ERGIC1: variants seen among roughly 807,000 people sequenced by gnomAD.
ERGIC1 encodes the protein endoplasmic reticulum-golgi intermediate compartment 1.
In ERGIC1, 19 loss-of-function variants were observed where a neutral mutation model predicts 38.3. That is an observed-to-expected ratio of 0.50 (90% CI 0.35 to 0.73). ERGIC1 has a LOEUF of 0.73. Ranked by LOEUF, ERGIC1 falls within the 30% of genes least tolerant of loss-of-function variation. The pLI, the probability that ERGIC1 is intolerant of heterozygous loss-of-function variation, is 0.01. For missense variants in ERGIC1, 294 were observed against 389.2 expected, an observed-to-expected ratio of 0.76 and a Z score of 2.06; for synonymous variants, 124 against 157.6, an observed-to-expected ratio of 0.79 and a Z score of 1.60.
chr5:172,850,798 T>G (rs1761383787), intron 1 of ERGIC1, among the ~76,000 whole-genome samples: 1 of 152,204 alleles, frequency 6.6e-6, no homozygotes, highest in Non-Finnish European at 1.5e-5. Context: ...TGCAAACTGG[T>G]GGCATCAGAG....
At chr5:172,863,286 T>C (rs1761766151) in intron 1 of ERGIC1, among the ~76,000 whole-genome samples, 1 of 152,182 alleles carries the variant, frequency 6.6e-6, no homozygotes, top group Admixed American at 6.5e-5. Context: ...GATTATTAAG[T>C]GTAAAAAGAC....
chr5:172,843,193 A>G (rs537374539), intron 1 of ERGIC1, among the ~76,000 whole-genome samples: 13 of 152,354 alleles, frequency 8.5e-5, no homozygotes, highest in Middle Eastern at 3.4e-3. Context: ...CACTGAGTTT[A>G]AGGAGTTGCT....
intron 1 of ERGIC1, among the ~76,000 whole-genome samples, chr5:172,850,226 A>G (rs1197304024): frequency 2.6e-5 from 4 of 152,226 alleles, no homozygotes; most frequent in Non-Finnish European, 5.9e-5. Flanking sequence ...ACTTGAAGCC[A>G]GGTGATTGGT....
At chr5:172,885,800 C>T (rs535169833) in intron 1 of ERGIC1, among the ~76,000 whole-genome samples, 1 of 152,324 alleles carries the variant, frequency 6.6e-6, no homozygotes, top group East Asian at 1.9e-4. Context: ...ACCACATCCT[C>T]TTCCAGCTCC....
At chr5:172,838,581 C>A (rs1184576236) in intron 1 of ERGIC1, among the ~76,000 whole-genome samples, 1 of 152,146 alleles carries the variant, frequency 6.6e-6, no homozygotes, top group Non-Finnish European at 1.5e-5. Context: ...CTCTAAGGAT[C>A]CAGTGTGAAT....
intron 8 of ERGIC1, chr5:172,933,340 C>T (rs1410009830): frequency 2.0e-5 from 3 of 152,208 alleles, no homozygotes; most frequent in African/African-American, 7.2e-5. Flanking sequence ...TGAGTACTTC[C>T]TGGGGGCTAG....
intron 3 of ERGIC1, chr5:172,906,198 C>T (rs1425281852): frequency 8.8e-6 from 4 of 456,070 alleles, no homozygotes; most frequent in Non-Finnish European, 4.4e-6. Flanking sequence ...TCTCCCCTCT[C>T]CCATCCTAAG....
intron 1 of ERGIC1, among the ~76,000 whole-genome samples, chr5:172,886,490 C>G (rs528642083): frequency 1.3e-5 from 2 of 152,322 alleles, no homozygotes; most frequent in East Asian, 3.9e-4. Flanking sequence ...TTCTTTGCCT[C>G]TACCGCTAAA....
At chr5:172,856,616 C>T (rs116066317) in intron 1 of ERGIC1, among the ~76,000 whole-genome samples, 35 of 152,190 alleles carry the variant, frequency 2.3e-4, no homozygotes, top group Non-Finnish European at 4.9e-4. Context: ...CTTGAGCATG[C>T]GTGTTGCTCA....
Position 172,932,553 on chromosome 5 carries a change from T to G in ERGIC1, c.642+17T>G, listed in dbSNP as rs201473077. On this transcript the variant is annotated intron_variant, in intron 8 of 9. Coordinates refer to ENST00000393784, the MANE Select transcript of ERGIC1 (RefSeq NM_001031711.3). ...GCCAACAAGGTGCGCGGGCGGTGGC[T>G]GGGCCGAGCTGTGTGCGGCGGCGCC... 117 of 1,612,034 alleles carry G rather than the reference T, an allele frequency of 7.3e-5. No homozygotes were observed. The East Asian group carries it at 2.5e-3, about 35-fold the overall frequency.
At chr5:172,947,912 G>GTGTGT (rs1287144217) in intron 9 of ERGIC1, among the ~76,000 whole-genome samples, 2 of 144,552 alleles carry the variant, frequency 1.4e-5, no homozygotes, top group South Asian at 2.2e-4. Flanking sequence ...GTGTGTGTGT[G>GTGTGT]GTTATTTTTT....
At chr5:172,841,423 G>C (rs139090239) in intron 1 of ERGIC1, among the ~76,000 whole-genome samples, 1 of 152,216 alleles carries the variant, frequency 6.6e-6, no homozygotes. Flanking sequence ...CTCTGACAGC[G>C]TAATCCTCAT....
chr5:172,899,468 C>T (rs1490599999), intron 3 of ERGIC1, among the ~76,000 whole-genome samples: 1 of 152,010 alleles, frequency 6.6e-6, no homozygotes, highest in African/African-American at 2.4e-5. Context: ...AGGCAAGCAC[C>T]ACCATGTCCA....
intron 1 of ERGIC1, among the ~76,000 whole-genome samples, chr5:172,847,866 A>T (rs143251014): frequency 5.7e-4 from 87 of 152,366 alleles, no homozygotes; most frequent in African/African-American, 1.9e-3. Context: ...TTTTGAACTT[A>T]ACACTTTTAC....
chr5:172,909,758 G>C lies in ERGIC1; in HGVS notation c.247G>C (p.Glu83Gln). Residue 83 changes from glutamate (E) to glutamine (Q), a missense_variant, in exon 4 of 10, where the codon GAG becomes CAG. Physicochemically the swap from Glu to Gln is conservative, Grantham distance 29 (BLOSUM62 2). This residue lies in a region of ERGIC1 where 163 missense variants were observed against 225.8 expected (regional missense o/e 0.72). Transcript: ENST00000393784. ...LNISLPNLHC[E>Q]LVGLDIQDEM... The stretch of plus-strand genomic sequence containing the variant: ...CATCAGTTTACCCAATCTGCACTGC[G>C]AGTGTGAGTACTCCACGCAGCCCCT... 1 of 1,613,950 alleles carries C rather than the reference G, an allele frequency of 6.2e-7. No individual in the cohort carries two copies. The highest frequency in any genetic ancestry group is 8.5e-7 in the Non-Finnish European group (1 of 1,179,806).
At chr5:172,844,910 C>T (rs1458668237) in intron 1 of ERGIC1, among the ~76,000 whole-genome samples, 1 of 152,216 alleles carries the variant, frequency 6.6e-6, no homozygotes, top group Admixed American at 6.5e-5. Flanking sequence ...GCTGTGACAA[C>T]AGTAGTGCCC....
chr5:172,864,324 A>G (rs1375441995), intron 1 of ERGIC1, among the ~76,000 whole-genome samples: 2 of 128,904 alleles, frequency 1.6e-5, no homozygotes, highest in East Asian at 4.6e-4. Flanking sequence ...CCAGAGTGCA[A>G]TGGCATGATC....
At chr5:172,847,877 T>C (rs1175198468) in intron 1 of ERGIC1, among the ~76,000 whole-genome samples, 2 of 152,268 alleles carry the variant, frequency 1.3e-5, no homozygotes, top group East Asian at 3.8e-4. Context: ...ACACTTTTAC[T>C]GATGAAAGGT....
intron 1 of ERGIC1, among the ~76,000 whole-genome samples, chr5:172,875,136 C>T (rs894061235): frequency 6.6e-6 from 1 of 152,164 alleles, no homozygotes; most frequent in Non-Finnish European, 1.5e-5. Context: ...TTTTCTTTTA[C>T]ATGCTATCTA....
Sources: gnomAD v4.1 joint callset for allele counts (sites outside exome capture counted in the v4.1 genomes callset) on GRCh38, gnomAD v4.1.1 for gene constraint, gnomAD v4.1.1 regional missense constraint, MANE v1.5 for transcripts, NCBI Gene and HGNC (gene_info 2026-07-23, HGNC 2026-07-21) for gene names.